The following TAAR5 variants were observed in gnomAD, a reference collection of about 807,000 sequenced individuals.
TAAR5 encodes the protein trace amine-associated receptor 5.
A neutral mutation model predicts 21.1 loss-of-function variants in TAAR5; 27 were observed. The ratio of observed to expected loss-of-function variants is 1.28; its 90% CI spans 0.94 to 1.76. TAAR5 has a LOEUF of 1.76. Ranked by LOEUF, TAAR5 falls within the 40% of genes most tolerant of loss-of-function variation. The probability of loss-of-function intolerance (pLI) is 0.00; values close to 1 mark genes in which losing one functional copy is unlikely to be tolerated. For synonymous variants in TAAR5, 203 were observed against 167.5 expected (o/e 1.21, Z -1.64); for missense variants, 495 against 405.6 (o/e 1.22, Z -1.89).
chr6:132,601,323 T>C, the TAAR5 span, among the ~76,000 whole-genome samples: 3 of 152,346 alleles, frequency 2.0e-5, no homozygotes, highest in African/African-American at 7.2e-5. Flanking sequence ...TCTTTTACTT[T>C]ATTGGACAAA....
the TAAR5 span, among the ~76,000 whole-genome samples, chr6:132,600,937 G>T: frequency 3.0e-3 from 260 of 85,934 alleles, 7 homozygotes; most frequent in East Asian, 5.7e-3. Context: ...GGGAAGGAGG[G>T]AAGGAGGGAA....
At chr6:132,603,234 T>A in the TAAR5 span, among the ~76,000 whole-genome samples, 7 of 145,832 alleles carry the variant, frequency 4.8e-5, no homozygotes, top group East Asian at 1.4e-3. Context: ...CCCAGGGAGG[T>A]CAAGGCTGTA....
the TAAR5 span, among the ~76,000 whole-genome samples, chr6:132,615,736 G>T: frequency 6.6e-6 from 1 of 151,426 alleles, no homozygotes; most frequent in Non-Finnish European, 1.5e-5. Context: ...ACATTGAAAA[G>T]GTACTGACAG....
the TAAR5 span, among the ~76,000 whole-genome samples, chr6:132,598,712 G>T: frequency 6.6e-6 from 1 of 152,122 alleles, no homozygotes; most frequent in Non-Finnish European, 1.5e-5. Context: ...GCCAGCAAGA[G>T]ATTATAGTTA....
At chr6:132,600,014 G>A in the TAAR5 span, among the ~76,000 whole-genome samples, 2 of 152,092 alleles carry the variant, frequency 1.3e-5, no homozygotes, top group Non-Finnish European at 2.9e-5. Context: ...CCCTGATGAG[G>A]TTACTACTAA....
the TAAR5 span, among the ~76,000 whole-genome samples, chr6:132,599,353 G>A: frequency 3.7e-4 from 43 of 115,634 alleles, no homozygotes; most frequent in African/African-American, 1.4e-3. Flanking sequence ...TTTTTTTGAC[G>A]GAGTCCCGCT....
At chr6:132,596,970 A>G in the TAAR5 span, among the ~76,000 whole-genome samples, 2 of 152,156 alleles carry the variant, frequency 1.3e-5, no homozygotes, top group Non-Finnish European at 2.9e-5. Flanking sequence ...TTAAAAATCA[A>G]TCTTTAAGAA....
At chr6:132,596,296 T>A in the TAAR5 span, among the ~76,000 whole-genome samples, 1 of 152,308 alleles carries the variant, frequency 6.6e-6, no homozygotes, top group Admixed American at 6.5e-5. Context: ...CCTTGTAATG[T>A]GAAAATAATG....
chr6:132,605,020 A>T, the TAAR5 span, among the ~76,000 whole-genome samples: 1 of 152,182 alleles, frequency 6.6e-6, no homozygotes, highest in African/African-American at 2.4e-5. Context: ...TGTGGAAGAA[A>T]GGTTGCCTGG....
chr6:132,598,420 TTTGGC>T, the TAAR5 span, among the ~76,000 whole-genome samples: 136 of 152,330 alleles, frequency 8.9e-4, no homozygotes, highest in African/African-American at 3.2e-3. Flanking sequence ...TATATTCTCC[TTTGGC>T]TTGCCAAAAT....
At chr6:132,593,511 A>G (rs1776935221), upstream of TAAR5, among the ~76,000 whole-genome samples, 1 of 152,104 alleles carries the variant, frequency 6.6e-6, no homozygotes, top group African/African-American at 2.4e-5. Flanking sequence ...GAGTCCTGGG[A>G]AGAGGAGATT....
chr6:132,595,681 G>C, the TAAR5 span, among the ~76,000 whole-genome samples: 1 of 152,126 alleles, frequency 6.6e-6, no homozygotes, highest in African/African-American at 2.4e-5. Flanking sequence ...CTGATTCTAG[G>C]GGAGGGCTGA....
At chr6:132,595,560 A>T in the TAAR5 span, 1 of 152,162 alleles carries the variant, frequency 6.6e-6, no homozygotes. Context: ...CAGAGGCCAA[A>T]CTAAGCCTGC....
At chr6:132,610,783 C>G in the TAAR5 span, among the ~76,000 whole-genome samples, 1 of 152,150 alleles carries the variant, frequency 6.6e-6, no homozygotes, top group Non-Finnish European at 1.5e-5. Context: ...GCAAAAGAGC[C>G]TTGCGTTGAG....
upstream of TAAR5, among the ~76,000 whole-genome samples, chr6:132,590,490 T>C (rs897147431): frequency 4.6e-5 from 7 of 152,218 alleles, no homozygotes; most frequent in African/African-American, 1.4e-4. Context: ...TCTAAGTTAC[T>C]TACACAGGTA....
the TAAR5 span, among the ~76,000 whole-genome samples, chr6:132,613,758 C>T: frequency 1.3e-5 from 2 of 152,152 alleles, no homozygotes; most frequent in Non-Finnish European, 2.9e-5. Flanking sequence ...CTAATTTTCA[C>T]AGCCTTCCAG....
chr6:132,602,442 C>T, the TAAR5 span, among the ~76,000 whole-genome samples: 71 of 152,236 alleles, frequency 4.7e-4, no homozygotes, highest in African/African-American at 1.5e-3. Flanking sequence ...CCGTTGCATG[C>T]GCAGCTCACA....
At chr6:132,596,803 A>G in the TAAR5 span, among the ~76,000 whole-genome samples, 1 of 152,168 alleles carries the variant, frequency 6.6e-6, no homozygotes, top group South Asian at 2.1e-4. Context: ...CACAGAATAA[A>G]TTGTTTACTA....
chr6:132,597,618 T>G, the TAAR5 span, among the ~76,000 whole-genome samples: 1 of 152,224 alleles, frequency 6.6e-6, no homozygotes, highest in Non-Finnish European at 1.5e-5. Flanking sequence ...GCATCTCACT[T>G]TTTTCATGGG....
Sources: allele counts gnomAD v4.1 joint callset (sites outside exome capture counted in the v4.1 genomes callset), GRCh38; gene constraint gnomAD v4.1.1; transcripts MANE v1.5; gene names NCBI Gene and HGNC (gene_info 2026-07-23, HGNC 2026-07-21).